Variants in SLC3A2 observed in about 807,000 individuals in gnomAD.
SLC3A2 encodes the protein solute carrier family 3 member 2.
In SLC3A2, 32 loss-of-function variants were observed where a neutral mutation model predicts 48.5. That is an observed-to-expected ratio of 0.66 (90% confidence interval 0.50 to 0.89). The LOEUF (loss-of-function observed/expected upper bound fraction) is 0.89, where lower values mean the gene tolerates loss of function less well. SLC3A2 is among the 40% of genes least tolerant of loss of function. The probability of loss-of-function intolerance (pLI) is 0.00; values close to 1 mark genes in which losing one functional copy is unlikely to be tolerated. For missense variants in SLC3A2, 587 were observed against 680.7 expected (o/e 0.86, Z 1.53); for synonymous variants, 277 against 288.8 (o/e 0.96, Z 0.41).
At chr11:62,886,599 T>A (rs1317117985) in intron 7 of SLC3A2, 2 of 152,156 alleles carry the variant, frequency 1.3e-5, no homozygotes, top group East Asian at 3.9e-4. Context: ...CTGATCTTTT[T>A]TTTTTTTGGA....
chr11:62,866,408 C>T (rs1242600430), intron 1 of SLC3A2, among the ~76,000 whole-genome samples: 1 of 148,660 alleles, frequency 6.7e-6, no homozygotes, highest in African/African-American at 2.5e-5. Context: ...TTTTTTTTGG[C>T]AGGTGGGGGG....
intron 3 of SLC3A2, chr11:62,884,007 A>AG (rs1248954240): frequency 1.1e-5 from 5 of 457,020 alleles, no homozygotes; most frequent in Non-Finnish European, 2.2e-5. Context: ...AAACTGGGAG[A>AG]GGGGGGATCT....
chr11:62,868,855 G>C (rs919904420), intron 1 of SLC3A2, among the ~76,000 whole-genome samples: 2 of 152,074 alleles, frequency 1.3e-5, no homozygotes, highest in Non-Finnish European at 2.9e-5. Context: ...GATTACTAAT[G>C]AGGTTTTGTA....
chr11:62,884,122 C>A, intron 3 of SLC3A2: 1 of 498,920 alleles, frequency 2.0e-6, no homozygotes, highest in Admixed American at 2.4e-5. Context: ...GGTATGCTAA[C>A]ATTCCAATGC....
At chr11:62,880,621 G>C (rs1245954862), upstream of SLC3A2, 2 of 172,632 alleles carry the variant, frequency 1.2e-5, no homozygotes, top group Non-Finnish European at 2.5e-5. Flanking sequence ...AAGGACACTG[G>C]AGGGGCCTCG....
At position 62,885,479 on chromosome 11, in the gene SLC3A2, G is replaced by A; in HGVS notation, c.1014G>A (p.Arg338=). Reference sequence around the variant, plus strand: ...TCTCCCTGTAGTTGTCTCAGGCAAGGCTCCTGACTTCCTTCTTGCCGGCTC... The same window carrying A: ...TCTCCCTGTAGTTGTCTCAGGCAAGACTCCTGACTTCCTTCTTGCCGGCTC... ...RWCSWSLSQA[R]LLTSFLPAQL... Residue 338 remains arginine, a synonymous_variant, in exon 7 of 9, where the codon AGG becomes AGA. Coordinates refer to ENST00000338663, the MANE Select transcript of SLC3A2 (RefSeq NM_001013251.3). 6.2e-7 allele frequency: 1 copy of A among 1,614,170 alleles called. No individual in the cohort carries two copies. Among genetic ancestry groups the A allele is most frequent in the Non-Finnish European group, 8.5e-7 (1 of 1,180,030 alleles).
rs761897495 is a variant in SLC3A2, at chr11:62,885,201, C to T, written c.843C>T (p.Ser281=). 3 of 1,614,156 alleles carry T rather than the reference C, an allele frequency of 1.9e-6. No individual in the cohort carries two copies. The highest frequency in any genetic ancestry group is 1.1e-5 in the South Asian group (1 of 91,086). ...EDRLLIAGTN[S]SDLQQILSLL... ...GGCTCTTGATTGCGGGGACTAACTC[C>T]TCCGACCTTCAGCAGATCCTGAGCC... Residue 281 remains serine (S), a synonymous_variant, in exon 6 of 9, where the codon TCC becomes TCT. Coordinates refer to ENST00000338663, the MANE Select transcript of SLC3A2 (RefSeq NM_001013251.3).
Position 62,881,638 on chromosome 11 carries a change from C to T in SLC3A2, c.424+191C>T. 1 of 961,132 alleles carries T rather than the reference C, an allele frequency of 1.0e-6. No homozygotes were observed. Among genetic ancestry groups the T allele is most frequent in the Non-Finnish European group, 1.5e-6 (1 of 668,526 alleles). The allele number at this position is 961,132 out of a possible 1,614,324, so 59.5% of individuals were successfully genotyped here. ...CTTTCTTTGAAGAAAGCCGACCCGC[C>T]CCTCACTCCGTCACGAGGGTGGGTG... On this transcript the variant is annotated intron_variant, in intron 1 of 8. Coordinates refer to ENST00000338663, the MANE Select transcript of SLC3A2 (RefSeq NM_001013251.3). The surrounding 1 kb of genome is among the most constrained non-coding windows in gnomAD (Gnocchi z 4.0).
Position 62,882,079 on chromosome 11 carries a change from G to A in SLC3A2, c.598+13G>A. On this transcript the variant is annotated intron_variant, in intron 2 of 8. Transcript: ENST00000338663. ...GCTAAAAAAAAGAGTGGGTATCCTG[G>A]GGTTCCCAAGGAAACAGCTAGAAAG... The A allele has an allele frequency of 1.2e-6, 2 of 1,614,000 alleles. No homozygotes were observed. Among genetic ancestry groups the A allele is most frequent in the South Asian group, 1.1e-5 (1 of 91,074 alleles).
At chr11:62,887,893 A>G (rs1033297833) in intron 7 of SLC3A2, 1 of 392,664 alleles carries the variant, frequency 2.5e-6, no homozygotes, top group Non-Finnish European at 4.8e-6. Context: ...CCTGGGTTCA[A>G]GTGATCCTCC....
At chr11:62,859,546 G>A (rs778819314) in intron 1 of SLC3A2, among the ~76,000 whole-genome samples, 5 of 152,126 alleles carry the variant, frequency 3.3e-5, no homozygotes, top group Non-Finnish European at 5.9e-5. Flanking sequence ...GCCGGGCGTG[G>A]TGTGGGTGCG....
chr11:62,888,095 C>T, intron 7 of SLC3A2, 40 bp from the exon 8 acceptor site: 2 of 1,564,026 alleles, frequency 1.3e-6, no homozygotes. Flanking sequence ...CCATGCCTGA[C>T]CCCAGGCCTT....
At chr11:62,884,359 G>C in intron 3 of SLC3A2, 98 bp from the exon 4 acceptor site, 1 of 1,329,712 alleles carries the variant, frequency 7.5e-7, no homozygotes, top group Non-Finnish European at 1.1e-6. Context: ...CCCAGCTCCC[G>C]GGGAAGTGTG....
intron 1 of SLC3A2, among the ~76,000 whole-genome samples, chr11:62,858,370 A>G (rs2085361225): frequency 6.6e-6 from 1 of 152,180 alleles, no homozygotes; most frequent in Non-Finnish European, 1.5e-5. Flanking sequence ...GTCAGTTTTC[A>G]AAAGAATCCA....
At chr11:62,887,743 G>A (rs1457374470) in intron 7 of SLC3A2, 1 of 163,328 alleles carries the variant, frequency 6.1e-6, no homozygotes, top group Non-Finnish European at 1.3e-5. Flanking sequence ...GAGTTGGGGA[G>A]GTTATATATT....
chr11:62,862,234 T>G (rs2134974100), intron 1 of SLC3A2, among the ~76,000 whole-genome samples: 1 of 147,958 alleles, frequency 6.8e-6, no homozygotes, highest in Admixed American at 6.9e-5. Context: ...TAAGAATTGC[T>G]TGAACCTGGG....
intron 3 of SLC3A2, chr11:62,884,182 T>C: frequency 1.8e-6 from 1 of 563,870 alleles, no homozygotes; most frequent in Non-Finnish European, 3.2e-6. Context: ...CTCTGGGGCC[T>C]TTTCTGTGGC....
At chr11:62,876,816 G>A, upstream of SLC3A2, 1 of 616,380 alleles carries the variant, frequency 1.6e-6, no homozygotes, top group Non-Finnish European at 2.3e-6. Flanking sequence ...TAGCCAGGCT[G>A]ATATTGAATT....
At position 62,881,227 on chromosome 11, in the gene SLC3A2, G is replaced by A; in HGVS notation, c.204G>A (p.Leu68=). ...TCACGGGCCTGTCCAAGGAGGAGCT[G>A]CTGAAGGTGGCAGGCAGCCCCGGCT... ...AKFTGLSKEE[L]LKVAGSPGWV... Residue 68 remains leucine (L), a synonymous_variant, in exon 1 of 9, where the codon CTG becomes CTA. Coordinates refer to ENST00000338663, the MANE Select transcript of SLC3A2 (RefSeq NM_001013251.3). The surrounding 1 kb of genome is among the most constrained non-coding windows in gnomAD (Gnocchi z 4.0). 1 of 1,586,490 alleles carries A rather than the reference G, an allele frequency of 6.3e-7. No homozygotes were observed. Among genetic ancestry groups the A allele is most frequent in the Non-Finnish European group, 8.6e-7 (1 of 1,168,038 alleles).
Sources: allele counts gnomAD v4.1 joint callset (sites outside exome capture counted in the v4.1 genomes callset), GRCh38; gene constraint gnomAD v4.1.1; non-coding constraint Gnocchi (gnomAD v3.1); transcripts MANE v1.5; gene names NCBI Gene and HGNC (gene_info 2026-07-23, HGNC 2026-07-21).